Variants in AGAP1 observed in about 807,000 individuals in gnomAD.
AGAP1 encodes the protein ArfGAP with GTPase domain, ankyrin repeat and PH domain 1, also known as arf-GAP with GTPase, ANK repeat and PH domain-containing protein 1.
A neutral mutation model predicts 105.3 loss-of-function variants in AGAP1; 29 were observed. The ratio of observed to expected loss-of-function variants is 0.28; its 90% CI spans 0.21 to 0.38. AGAP1 has a LOEUF of 0.38. AGAP1 is among the 10% of genes least tolerant of loss of function. The pLI is 1.00. For missense variants in AGAP1, 998 were observed against 1,165.1 expected (o/e 0.86, Z 2.09); for synonymous variants, 509 against 485.9 (o/e 1.05, Z -0.63).
rs142910760 is a variant in AGAP1, at chr2:235,548,826, G to T, written c.163+53977G>T. On this transcript the variant is annotated intron_variant, in intron 1 of 17. Transcript: ENST00000304032. ...CAAAAGTACCCATGCGTTTGACTAG[G>T]GGTGCTCTGGGACGTGGGTTAGCCA... is the stretch of plus-strand genomic sequence containing the variant. Among the ~76,000 whole-genome samples the T allele has an allele frequency of 3.6e-3, 547 of 152,276 alleles. 3 individuals carry two copies. The highest frequency in any genetic ancestry group is 5.4e-3 in the Non-Finnish European group (364 of 68,028).
Position 235,744,737 on chromosome 2 carries a change from T to C in AGAP1, c.436T>C (p.Leu146=), listed in dbSNP as rs961658221. Residue 146 remains leucine (L), a synonymous_variant, in exon 5 of 18, where the codon TTG becomes CTG. Coordinates refer to ENST00000304032, the MANE Select transcript of AGAP1 (RefSeq NM_001037131.3). The surrounding 1 kb of genome is among the most constrained non-coding windows in gnomAD (Gnocchi z 5.2). The stretch of plus-strand genomic sequence containing the variant: ...GGACGCTGTTATATTTGTCTTCAGC[T>C]TGGAGGATGAAATAAGTTTCCAGAC... The part of the protein sequence containing the change: ...WVDAVIFVFS[L]EDEISFQTVY... 28 of 1,613,820 alleles carry C rather than the reference T, an allele frequency of 1.7e-5. No homozygotes were observed. The highest frequency in any genetic ancestry group is 2.2e-5 in the Non-Finnish European group (26 of 1,180,024).
rs533237737 is a variant in AGAP1 at position 236,053,961 on chromosome 2, C to G, written c.2114+4680C>G. On this transcript the variant is annotated intron_variant, in intron 16 of 17. Coordinates refer to ENST00000304032, the MANE Select transcript of AGAP1 (RefSeq NM_001037131.3). The surrounding 1 kb of genome is among the most constrained non-coding windows in gnomAD (Gnocchi z 4.6). ...CCCCCCATTATTTGTAAGTTCACCT[C>G]TGTGCCTAAACTCCCTTCTTGTCTT... 3.3e-5 allele frequency among the ~76,000 whole-genome samples: 5 copies of G among 152,302 alleles called. No individual in the cohort carries two copies. In the South Asian group the frequency reaches 1.0e-3, roughly 32 times the overall value.
rs1289950982 is a variant in AGAP1, at chr2:235,574,880, A to G, written c.163+80031A>G. ...GAGCACGCGTGTAATTCTAGCACTT[A>G]GGGAGGCCGAGGCAAATGGATCACT... On this transcript the variant is annotated intron_variant, in intron 1 of 17. Coordinates refer to ENST00000304032, the MANE Select transcript of AGAP1 (RefSeq NM_001037131.3). The surrounding 1 kb of genome is among the most constrained non-coding windows in gnomAD (Gnocchi z 5.0). 1.3e-5 allele frequency among the ~76,000 whole-genome samples: 2 copies of G among 152,290 alleles called. No homozygotes were observed. The highest frequency in any genetic ancestry group is 4.1e-4 in the South Asian group (2 of 4,826).
rs1416742437 is a variant in AGAP1, at chr2:235,908,040, C to T, written c.1156-698C>T. On this transcript the variant is annotated intron_variant, in intron 10 of 17. Coordinates refer to ENST00000304032, the MANE Select transcript of AGAP1 (RefSeq NM_001037131.3). The surrounding 1 kb of genome is among the most constrained non-coding windows in gnomAD (Gnocchi z 4.4). ...CTCACTGGCCAGCAGGCCCATCCCC[C>T]GGCTCTCAGTTGCTTGTTCACCTTC... Among the ~76,000 whole-genome samples, 2 of 152,200 alleles carry T rather than the reference C, an allele frequency of 1.3e-5. No homozygotes were observed. The highest frequency in any genetic ancestry group is 6.5e-5 in the Admixed American group (1 of 15,284).
Position 236,092,778 on chromosome 2 carries a change from G to A in AGAP1, c.2115-27414G>A, listed in dbSNP as rs919604209. On this transcript the variant is annotated intron_variant, in intron 16 of 17. Transcript: ENST00000304032. The surrounding 1 kb of genome is among the most constrained non-coding windows in gnomAD (Gnocchi z 4.7). ...TTAAAACAATCAAGCAAAATAAAAGGTGGCTTCCCTTAAAAGAATCAGGGC... is the reference window on the plus strand; with the variant it reads ...TTAAAACAATCAAGCAAAATAAAAGATGGCTTCCCTTAAAAGAATCAGGGC... Among the ~76,000 whole-genome samples the A allele has an allele frequency of 6.6e-6, 1 of 152,212 alleles. No homozygotes were observed. The highest frequency in any genetic ancestry group is 1.5e-5 in the Non-Finnish European group (1 of 68,034).
Position 235,556,605 on chromosome 2 carries a change from T to C in AGAP1, c.163+61756T>C, listed in dbSNP as rs1423336287. On this transcript the variant is annotated intron_variant, in intron 1 of 17. Coordinates refer to ENST00000304032, the MANE Select transcript of AGAP1 (RefSeq NM_001037131.3). The surrounding 1 kb of genome is among the most constrained non-coding windows in gnomAD (Gnocchi z 5.3). ...CTGCTGAGTTCAGTGGAAGGTGGTCTTCCTTTCCAATACTCTGGTTCCCTC... is the reference window on the plus strand; with the variant it reads ...CTGCTGAGTTCAGTGGAAGGTGGTCCTCCTTTCCAATACTCTGGTTCCCTC... 2.0e-5 allele frequency among the ~76,000 whole-genome samples: 3 copies of C among 152,242 alleles called. No individual in the cohort carries two copies. The highest frequency in any genetic ancestry group is 7.2e-5 in the African/African-American group (3 of 41,472).
Position 235,867,050 on chromosome 2 carries a change from G to A in AGAP1, c.1051-16295G>A, listed in dbSNP as rs997252192. ...GCGTCGGGGGGTGCTTGCTTATGCG[G>A]AGCCTGTGACCCTGCAGCTCAGCAT... is the stretch of plus-strand genomic sequence containing the variant. On this transcript the variant is annotated intron_variant, in intron 9 of 17. Coordinates refer to ENST00000304032, the MANE Select transcript of AGAP1 (RefSeq NM_001037131.3). The surrounding 1 kb of genome is among the most constrained non-coding windows in gnomAD (Gnocchi z 5.4). Among the ~76,000 whole-genome samples the A allele has an allele frequency of 6.6e-6, 1 of 152,218 alleles. No homozygotes were observed. The highest frequency in any genetic ancestry group is 1.5e-5 in the Non-Finnish European group (1 of 68,042).
At position 235,733,396 on chromosome 2, in the gene AGAP1, A is replaced by T. The variant is rs1952062228; in HGVS notation, c.311-7567A>T. 6.6e-6 allele frequency among the ~76,000 whole-genome samples: 1 copy of T among 151,936 alleles called. No individual in the cohort carries two copies. The highest frequency in any genetic ancestry group is 2.4e-5 in the African/African-American group (1 of 41,342). On this transcript the variant is annotated intron_variant, in intron 3 of 17. Transcript: ENST00000304032. This position sits in a 1 kb window ranked among gnomAD's most constrained non-coding sequence, Gnocchi z 5.0. The stretch of plus-strand genomic sequence containing the variant: ...GTGTTGTTGGCTCAGGTTGTAGGAG[A>T]GATGAGGAGCCTCCGCCCAGCTCAA...
rs73996194 is a variant in AGAP1, at chr2:235,611,085, A to G, written c.164-98094A>G. ...GCCGAGTCAGCTCCCTGGATGGGCT[A>G]GTGTGTTGACCTTCCACTGCCCCGA... On this transcript the variant is annotated intron_variant, in intron 1 of 17. Transcript: ENST00000304032. The surrounding 1 kb of genome is among the most constrained non-coding windows in gnomAD (Gnocchi z 5.0). Among the ~76,000 whole-genome samples, 65 of 152,202 alleles carry G rather than the reference A, an allele frequency of 4.3e-4. No individual in the cohort carries two copies. Among genetic ancestry groups the G allele is most frequent in the African/African-American group, 1.3e-3 (52 of 41,488 alleles).
chr2:235,992,447 G>A lies in AGAP1; in HGVS notation c.1645+23824G>A, dbSNP rs1428606692. Among the ~76,000 whole-genome samples the A allele has an allele frequency of 6.6e-6, 1 of 152,136 alleles. No individual in the cohort carries two copies. Among genetic ancestry groups the A allele is most frequent in the African/African-American group, 2.4e-5 (1 of 41,440 alleles). Reference sequence around the variant, plus strand: ...TTCAGTGGCAGGGGACCCTCCATGTGGGGACAGAGACTGCCACCCATTCCT... The same window carrying A: ...TTCAGTGGCAGGGGACCCTCCATGTAGGGACAGAGACTGCCACCCATTCCT... On this transcript the variant is annotated intron_variant, in intron 13 of 17. Transcript: ENST00000304032. The surrounding 1 kb of genome is among the most constrained non-coding windows in gnomAD (Gnocchi z 4.8).
chr2:236,068,627 C>A (rs1576221390), intron 16 of AGAP1, among the ~76,000 whole-genome samples: 1 of 149,846 alleles, frequency 6.7e-6, no homozygotes, highest in East Asian at 2.0e-4. Context: ...GGTGAAACCC[C>A]GTCTCTACTA....
chr2:235,529,150 G>A (rs763309763), intron 1 of AGAP1, among the ~76,000 whole-genome samples: 21 of 152,284 alleles, frequency 1.4e-4, no homozygotes, highest in East Asian at 3.9e-4. Flanking sequence ...TCCTTGCTGC[G>A]TTGTGACAGA....
At chr2:235,677,140 G>A (rs1263850679) in intron 1 of AGAP1, among the ~76,000 whole-genome samples, 3 of 152,196 alleles carry the variant, frequency 2.0e-5, no homozygotes, top group Non-Finnish European at 4.4e-5. Flanking sequence ...AGACATGAAC[G>A]TAGCTGCTCC....
At chr2:235,710,029 T>C (rs1358392136) in intron 2 of AGAP1, among the ~76,000 whole-genome samples, 3 of 152,258 alleles carry the variant, frequency 2.0e-5, no homozygotes, top group Admixed American at 2.0e-4. Flanking sequence ...ATATGTCTAA[T>C]TTCTGTATGT....
At chr2:235,863,774 G>A (rs1033127009) in intron 9 of AGAP1, among the ~76,000 whole-genome samples, 3 of 152,220 alleles carry the variant, frequency 2.0e-5, no homozygotes, top group Non-Finnish European at 2.9e-5. Flanking sequence ...TGTGCCACCT[G>A]TGGGACACCA....
chr2:235,920,644 G>T (rs1333805386), intron 11 of AGAP1, among the ~76,000 whole-genome samples: 1 of 152,208 alleles, frequency 6.6e-6, no homozygotes, highest in East Asian at 1.9e-4. Flanking sequence ...CAAGCAAAGT[G>T]ATGCCAACTA....
chr2:235,668,856 CCT>C (rs1948219215), intron 1 of AGAP1, among the ~76,000 whole-genome samples: 1 of 152,130 alleles, frequency 6.6e-6, no homozygotes, highest in Non-Finnish European at 1.5e-5. Flanking sequence ...TATTGGCACC[CCT>C]GTTTTACAGG....
Position 236,123,092 on chromosome 2 carries a change from G to A in AGAP1, c.2371-827G>A, listed in dbSNP as rs955930796. On this transcript the variant is annotated intron_variant, in intron 17 of 17. Transcript: ENST00000304032. This position sits in a 1 kb window ranked among gnomAD's most constrained non-coding sequence, Gnocchi z 4.6. ...TATGTCATGCTTTTTGAGGGGTGGGGAGACAGGGTCTCACTCTGTTGCCCA... is the reference window on the plus strand; with the variant it reads ...TATGTCATGCTTTTTGAGGGGTGGGAAGACAGGGTCTCACTCTGTTGCCCA... 2.0e-5 allele frequency among the ~76,000 whole-genome samples: 3 copies of A among 151,894 alleles called. No individual in the cohort carries two copies. Among genetic ancestry groups the A allele is most frequent in the Non-Finnish European group, 4.4e-5 (3 of 67,982 alleles).
At position 235,535,669 on chromosome 2, in the gene AGAP1, C is replaced by T. The variant is rs1943190585; in HGVS notation, c.163+40820C>T. On this transcript the variant is annotated intron_variant, in intron 1 of 17. Coordinates refer to ENST00000304032, the MANE Select transcript of AGAP1 (RefSeq NM_001037131.3). This position sits in a 1 kb window ranked among gnomAD's most constrained non-coding sequence, Gnocchi z 5.1. ...GCGCTCCAGCTCCAGCCCTTTAATG[C>T]TCTTTGCCATTCAAGCCACTCACTT... is the stretch of plus-strand genomic sequence containing the variant. Among the ~76,000 whole-genome samples the T allele has an allele frequency of 6.6e-6, 1 of 152,084 alleles. No homozygotes were observed. Among genetic ancestry groups the T allele is most frequent in the Non-Finnish European group, 1.5e-5 (1 of 68,028 alleles).
Sources: gnomAD v4.1 joint callset for allele counts (sites outside exome capture counted in the v4.1 genomes callset) on GRCh38, gnomAD v4.1.1 for gene constraint, Gnocchi (gnomAD v3.1) non-coding constraint, MANE v1.5 for transcripts, NCBI Gene and HGNC (gene_info 2026-07-23, HGNC 2026-07-21) for gene names.